VAX1: variants seen among roughly 807,000 people sequenced by gnomAD.
VAX1 encodes the protein ventral anterior homeobox 1.
VAX1 carries 6 observed loss-of-function variants against 17.6 expected under a neutral mutation model. That is an observed-to-expected ratio of 0.34 (90% CI 0.19 to 0.67). The LOEUF is 0.67. VAX1 is among the 30% of genes least tolerant of loss of function. The pLI is 0.69. For missense variants in VAX1, 408 were observed against 463.7 expected, an observed-to-expected ratio of 0.88 and a Z score of 1.10; for synonymous variants, 256 against 227.4, an observed-to-expected ratio of 1.13 and a Z score of -1.13.
In VAX1 at chr10:117,134,723, G is replaced by A; in HGVS notation, c.430-140C>T. Reference sequence around the variant, plus strand: ...CGCAGCCCCACCCAGCAGCCGGAGGGGTCCGGGCCGGGGCGCTGCTGGGGG... The same window carrying A: ...CGCAGCCCCACCCAGCAGCCGGAGGAGTCCGGGCCGGGGCGCTGCTGGGGG... On this transcript the variant is annotated intron_variant, in intron 2 of 2. Coordinates refer to ENST00000369206, the MANE Select transcript of VAX1 (RefSeq NM_001112704.2). This position sits in a 1 kb window ranked among gnomAD's most constrained non-coding sequence, Gnocchi z 6.2. 3.5e-6 allele frequency: 3 copies of A among 863,958 alleles called. No individual in the cohort carries two copies. Among genetic ancestry groups the A allele is most frequent in the South Asian group, 4.4e-5 (2 of 45,722 alleles). The allele number at this position is 863,958 out of a possible 1,614,324, so 53.5% of individuals were successfully genotyped here.
In VAX1 at chr10:117,138,173, GC is replaced by G. The variant is rs1854225497; in HGVS notation, c.-118del. ...AGGGGACAAAACCCCCGACAACGCG[GC>G]CCGTACGCCCGGCCCGGCGACAGGC... On this transcript the variant is annotated 5_prime_UTR_variant, in exon 1 of 3. Coordinates refer to ENST00000369206, the MANE Select transcript of VAX1 (RefSeq NM_001112704.2). 8.8e-7 allele frequency: 1 copy of G among 1,134,278 alleles called. No homozygotes were observed. Among genetic ancestry groups the G allele is most frequent in the Non-Finnish European group, 1.2e-6 (1 of 824,828 alleles). The allele number at this position is 1,134,278 out of a possible 1,614,324, so 70.3% of individuals were successfully genotyped here.
At position 117,134,104 on chromosome 10, in the gene VAX1, C is replaced by A. The variant is rs1589946030; in HGVS notation, c.909G>T (p.Leu303Phe). 1 of 1,537,492 alleles carries A rather than the reference C, an allele frequency of 6.5e-7. No individual in the cohort carries two copies. Among genetic ancestry groups the A allele is most frequent in the Middle Eastern group, 1.7e-4 (1 of 5,954 alleles). ...TCAGATATCGGGCGGAGAGTTCTTG[C>A]AAATTCCCAGCTAGCGAACCAGCCA... is the stretch of plus-strand genomic sequence containing the variant. ...LTMAGSLAGN[L>F]QELSARYLSS... Residue 303 changes from leucine to phenylalanine, a missense_variant, in exon 3 of 3, where the codon TTG (leucine) becomes TTT (phenylalanine). By Grantham distance (22) the Leu-to-Phe change is conservative. Transcript: ENST00000369206. This position sits in a 1 kb window ranked among gnomAD's most constrained non-coding sequence, Gnocchi z 6.2.
rs1221379618 is a variant in VAX1, at chr10:117,138,233, T to C, written c.-177A>G. The C allele has an allele frequency of 1.0e-5, 8 of 776,278 alleles. No individual in the cohort carries two copies. The highest frequency in any genetic ancestry group is 1.6e-5 in the Non-Finnish European group (8 of 501,320). 48.1% of individuals were successfully genotyped at this position (776,278 alleles called of 1,614,324 possible). A position where few individuals can be genotyped will look rare whatever the true frequency, so the allele number is the denominator to read the frequency against. On this transcript the variant is annotated 5_prime_UTR_variant, in exon 1 of 3. Transcript: ENST00000369206. ...AGAATGAATGTCCCCGCGGGGAGGC[T>C]TCGGCGGCCGCGCGCGGGTCAGCGG...
downstream of VAX1, chr10:117,132,397 A>G (rs998255363): frequency 6.8e-6 from 11 of 1,611,494 alleles, no homozygotes; most frequent in African/African-American, 1.3e-5. This position sits in a 1 kb window ranked among gnomAD's most constrained non-coding sequence, Gnocchi z 4.9. Context: ...AATATCCAAA[A>G]CATTCAGAAC....
downstream of VAX1, chr10:117,132,342 T>C (rs781186097): frequency 1.9e-6 from 3 of 1,610,900 alleles, no homozygotes; most frequent in Non-Finnish European, 2.5e-6. The surrounding 1 kb of genome is among the most constrained non-coding windows in gnomAD (Gnocchi z 4.9). Flanking sequence ...TTTATCATCA[T>C]AGATATATAT....
chr10:117,136,380 C>A lies in VAX1; in HGVS notation c.429+92G>T, dbSNP rs1333810781. 1.5e-5 allele frequency: 22 copies of A among 1,512,622 alleles called. No homozygotes were observed. The highest frequency in any genetic ancestry group is 1.9e-5 in the Non-Finnish European group (21 of 1,111,350). 93.7% of individuals were successfully genotyped at this position (1,512,622 alleles called of 1,614,324 possible). ...CTCCACCTCCCAAGGGTAGTTCTGT[C>A]CAGAGCAGGTTAGGAGGTGAAGAGC... On this transcript the variant is annotated intron_variant, in intron 2 of 2. Coordinates refer to ENST00000369206, the MANE Select transcript of VAX1 (RefSeq NM_001112704.2). The surrounding 1 kb of genome is among the most constrained non-coding windows in gnomAD (Gnocchi z 5.0).
Position 117,134,458 on chromosome 10 carries a change from G to A in VAX1, c.555C>T (p.Gly185=), listed in dbSNP as rs1320797090. The A allele has an allele frequency of 3.3e-6, 5 of 1,516,754 alleles. No individual in the cohort carries two copies. In the South Asian group the frequency reaches 4.9e-5, roughly 15 times the overall value. The allele number at this position is 1,516,754 out of a possible 1,614,324, so 94.0% of individuals were successfully genotyped here. ...TCSVLRLLEQ[G]RLLSPPGLPA... is the part of the protein sequence containing the mutation. ...GCAGGCCGGGCGGCGACAACAGGCG[G>A]CCCTGCTCCAGCAGCCGTAGCACGC... is the stretch of plus-strand genomic sequence containing the variant. Residue 185 remains glycine (G), a synonymous_variant, in exon 3 of 3, where the codon GGC becomes GGT. Coordinates refer to ENST00000369206, the MANE Select transcript of VAX1 (RefSeq NM_001112704.2). This position sits in a 1 kb window ranked among gnomAD's most constrained non-coding sequence, Gnocchi z 6.2.
chr10:117,133,333 T>C lies in VAX1; in HGVS notation c.*675A>G. On this transcript the variant is annotated 3_prime_UTR_variant, in exon 3 of 3. Transcript: ENST00000369206. Reference sequence around the variant, plus strand: ...GCTTTTATTGCTGATTAGATCAAATTTATCAGTGTCGTTGCCTACTACGAC... The same window carrying C: ...GCTTTTATTGCTGATTAGATCAAATCTATCAGTGTCGTTGCCTACTACGAC... 1 of 985,466 alleles carries C rather than the reference T, an allele frequency of 1.0e-6. No homozygotes were observed. Among genetic ancestry groups the C allele is most frequent in the Non-Finnish European group, 1.2e-6 (1 of 829,944 alleles). 61.0% of individuals were successfully genotyped at this position (985,466 alleles called of 1,614,324 possible).
Position 117,133,300 on chromosome 10 carries a change from T to A in VAX1, c.*708A>T, listed in dbSNP as rs1854115701. 2.0e-6 allele frequency: 2 copies of A among 985,460 alleles called. No individual in the cohort carries two copies. Among genetic ancestry groups the A allele is most frequent in the African/African-American group, 1.7e-5 (1 of 57,376 alleles). 61.0% of individuals were successfully genotyped at this position (985,460 alleles called of 1,614,324 possible). A position where few individuals can be genotyped will look rare whatever the true frequency, so the allele number is the denominator to read the frequency against. On this transcript the variant is annotated 3_prime_UTR_variant, in exon 3 of 3. Transcript: ENST00000369206. ...TGGTTCCACTTCATCTGGTTTTACG[T>A]AGCAATTGCTTTTATTGCTGATTAG...
At chr10:117,133,209 TG>T, downstream of VAX1, 2 of 893,480 alleles carry the variant, frequency 2.2e-6, no homozygotes, top group Non-Finnish European at 2.7e-6. Flanking sequence ...CATTGCCCTG[TG>T]GGGCATTCTG....
Position 117,134,266 on chromosome 10 carries a change from A to G in VAX1, c.747T>C (p.Gly249=), listed in dbSNP as rs1854135239. The change falls in exon 3 of 3, where the codon GGT becomes GGC. Residue 249 remains glycine (G), a synonymous_variant. Coordinates refer to ENST00000369206, the MANE Select transcript of VAX1 (RefSeq NM_001112704.2). This position sits in a 1 kb window ranked among gnomAD's most constrained non-coding sequence, Gnocchi z 6.2. ...AASPHPPAVG[G]APGPGPAGPG... The stretch of plus-strand genomic sequence containing the variant: ...GCCCGGCGGGCCCGGGACCTGGAGC[A>G]CCGCCCACAGCCGGCGGGTGCGGGG... The G allele has an allele frequency of 4.5e-6, 6 of 1,329,240 alleles. No individual in the cohort carries two copies. Among genetic ancestry groups the G allele is most frequent in the South Asian group, 2.1e-5 (1 of 48,700 alleles). 82.3% of individuals were successfully genotyped at this position (1,329,240 alleles called of 1,614,324 possible). A position where few individuals can be genotyped will look rare whatever the true frequency, so the allele number is the denominator to read the frequency against.
downstream of VAX1, chr10:117,130,316 T>C (rs1356243757): frequency 6.6e-6 from 1 of 152,216 alleles, no homozygotes; most frequent in African/African-American, 2.4e-5. Flanking sequence ...TGGCTGAAGG[T>C]TAGACCAACT....
chr10:117,133,415 G>T lies in VAX1; in HGVS notation c.*593C>A. ...TTGTGATTGGAGTTGCCCTAAAGGG[G>T]AGAAAAACCGCAGGATTTGCCCGCC... On this transcript the variant is annotated 3_prime_UTR_variant, in exon 3 of 3. Coordinates refer to ENST00000369206, the MANE Select transcript of VAX1 (RefSeq NM_001112704.2). The T allele has an allele frequency of 1.0e-6, 1 of 985,530 alleles. No homozygotes were observed. The highest frequency in any genetic ancestry group is 1.2e-6 in the Non-Finnish European group (1 of 830,046). The allele number at this position is 985,530 out of a possible 1,614,324, so 61.0% of individuals were successfully genotyped here.
Position 117,133,662 on chromosome 10 carries a change from A to C in VAX1, c.*346T>G. 9.8e-7 allele frequency: 1 copy of C among 1,017,542 alleles called. No individual in the cohort carries two copies. Among genetic ancestry groups the C allele is most frequent in the Non-Finnish European group, 1.2e-6 (1 of 851,688 alleles). The allele number at this position is 1,017,542 out of a possible 1,614,324, so 63.0% of individuals were successfully genotyped here. On this transcript the variant is annotated 3_prime_UTR_variant, in exon 3 of 3. Coordinates refer to ENST00000369206, the MANE Select transcript of VAX1 (RefSeq NM_001112704.2). ...CGCAGCAGCCGCGGATCTAGAGCAA[A>C]CGTCCTGTGCTTTGGAGTTAGAACC...
At chr10:117,133,006 GCGCCGGCTGCGCAGGCTAC>G (rs1854112333), downstream of VAX1, among the ~76,000 whole-genome samples, 1 of 152,218 alleles carries the variant, frequency 6.6e-6, no homozygotes, top group African/African-American at 2.4e-5. Flanking sequence ...GTAGGGTGAA[GCGCCGGCTGCGCAGGCTAC>G]CGCCGGCAGC....
Position 117,134,470 on chromosome 10 carries a change from C to G in VAX1, c.543G>C (p.Leu181=), listed in dbSNP as rs747838314. 9.9e-6 allele frequency: 15 copies of G among 1,519,478 alleles called. No homozygotes were observed. The highest frequency in any genetic ancestry group is 5.7e-5 in the African/African-American group (4 of 70,232). 94.1% of individuals were successfully genotyped at this position (1,519,478 alleles called of 1,614,324 possible). A position where few individuals can be genotyped will look rare whatever the true frequency, so the allele number is the denominator to read the frequency against. ...GCGACAACAGGCGGCCCTGCTCCAG[C>G]AGCCGTAGCACGCTGCACGTGGCCG... is the stretch of plus-strand genomic sequence containing the variant. ...ETAATCSVLR[L]LEQGRLLSPP... The change falls in exon 3 of 3, where the codon CTG becomes CTC. Residue 181 remains leucine, a synonymous_variant. Coordinates refer to ENST00000369206, the MANE Select transcript of VAX1 (RefSeq NM_001112704.2). The surrounding 1 kb of genome is among the most constrained non-coding windows in gnomAD (Gnocchi z 6.2).
rs1261296705 is a variant in VAX1 at position 117,137,082 on chromosome 10, T to G, written c.242-423A>C. ...GATCCAGACGTCCCCACCCCCACCCTCGAGTCTCCTTCCCTCCGGAGTCCG... is the reference window on the plus strand; with the variant it reads ...GATCCAGACGTCCCCACCCCCACCCGCGAGTCTCCTTCCCTCCGGAGTCCG... On this transcript the variant is annotated intron_variant, in intron 1 of 2. Transcript: ENST00000369206. This position sits in a 1 kb window ranked among gnomAD's most constrained non-coding sequence, Gnocchi z 7.4. Among the ~76,000 whole-genome samples, 1 of 91,394 alleles carries G rather than the reference T, an allele frequency of 1.1e-5. No homozygotes were observed. The highest frequency in any genetic ancestry group is 2.4e-5 in the Non-Finnish European group (1 of 42,154). The allele number at this position is 91,394 out of a possible 152,430, so 60.0% of individuals were successfully genotyped here. A position where few individuals can be genotyped will look rare whatever the true frequency, so the allele number is the denominator to read the frequency against.
chr10:117,136,330 C>A lies in VAX1; in HGVS notation c.429+142G>T. 1 of 966,400 alleles carries A rather than the reference C, an allele frequency of 1.0e-6. No individual in the cohort carries two copies. The highest frequency in any genetic ancestry group is 1.7e-5 in the South Asian group (1 of 58,758). 59.9% of individuals were successfully genotyped at this position (966,400 alleles called of 1,614,324 possible). ...TATCTAGGGGAAGGAATCCTTAGGC[C>A]TGTCTTACCCATCCTTCCCATCTCC... On this transcript the variant is annotated intron_variant, in intron 2 of 2. Transcript: ENST00000369206. This position sits in a 1 kb window ranked among gnomAD's most constrained non-coding sequence, Gnocchi z 5.0.
At chr10:117,130,824 G>A (rs1278027143), downstream of VAX1, 1 of 152,580 alleles carries the variant, frequency 6.6e-6, no homozygotes, top group Non-Finnish European at 1.5e-5. Context: ...AAGCCAGGGA[G>A]GGAAGGGAGG....
Sources: gnomAD v4.1 joint callset for allele counts (sites outside exome capture counted in the v4.1 genomes callset) on GRCh38, gnomAD v4.1.1 for gene constraint, Gnocchi (gnomAD v3.1) non-coding constraint, MANE v1.5 for transcripts, NCBI Gene and HGNC (gene_info 2026-07-23, HGNC 2026-07-21) for gene names.